Variants in METAP1D observed in about 807,000 individuals in gnomAD.
METAP1D encodes the protein methionine aminopeptidase 1D, mitochondrial.
METAP1D carries 31 observed loss-of-function variants against 40.5 expected under a neutral mutation model. The ratio of observed to expected loss-of-function variants is 0.77; its 90% CI spans 0.58 to 1.03. The LOEUF (loss-of-function observed/expected upper bound fraction) is 1.03, where lower values mean the gene tolerates loss of function less well. Among genes scored for constraint, METAP1D ranks in the 50% least tolerant of loss-of-function variants. The pLI, the probability that METAP1D is intolerant of heterozygous loss-of-function variation, is 0.00. For missense variants in METAP1D, 411 were observed against 420.7 expected (o/e 0.98, Z 0.20); for synonymous variants, 151 against 146.4 (o/e 1.03, Z -0.22).
At chr2:172,029,609 A>G (rs1689195360) in intron 1 of METAP1D, among the ~76,000 whole-genome samples, 1 of 152,228 alleles carries the variant, frequency 6.6e-6, no homozygotes, top group Non-Finnish European at 1.5e-5. Flanking sequence ...TAGAGTTACC[A>G]TAACATGAGC....
intron 1 of METAP1D, among the ~76,000 whole-genome samples, chr2:172,005,405 T>C (rs1022306156): frequency 7.9e-5 from 12 of 151,644 alleles, no homozygotes; most frequent in Middle Eastern, 6.8e-3. Context: ...TATTTGGTTT[T>C]CTTTTCCTGA....
chr2:172,039,357 C>T (rs1689462703), intron 1 of METAP1D, among the ~76,000 whole-genome samples: 1 of 152,158 alleles, frequency 6.6e-6, no homozygotes, highest in African/African-American at 2.4e-5. Flanking sequence ...AGGAGTTTGA[C>T]TTGTATAGGG....
At chr2:172,013,728 G>A (rs1688783649) in intron 1 of METAP1D, among the ~76,000 whole-genome samples, 2 of 152,030 alleles carry the variant, frequency 1.3e-5, no homozygotes, top group Admixed American at 6.6e-5. Flanking sequence ...TTGGCAGAAC[G>A]TGACCATGCA....
chr2:172,024,752 G>GTGTGTGTGTGTGTA (rs1200035345), intron 1 of METAP1D, among the ~76,000 whole-genome samples: 31 of 81,656 alleles, frequency 3.8e-4, no homozygotes, highest in African/African-American at 9.3e-4. Context: ...TATAGATTGT[G>GTGTGTGTGTGTGTA]TGTGTGTGTG....
At chr2:172,060,889 T>G (rs1182497247) in intron 1 of METAP1D, among the ~76,000 whole-genome samples, 2 of 152,240 alleles carry the variant, frequency 1.3e-5, no homozygotes, top group Non-Finnish European at 2.9e-5. Context: ...CATTTAAAAT[T>G]TTGATAGACA....
At chr2:172,050,490 C>T (rs892914515) in intron 1 of METAP1D, among the ~76,000 whole-genome samples, 1 of 151,730 alleles carries the variant, frequency 6.6e-6, no homozygotes, top group Non-Finnish European at 1.5e-5. Context: ...AAATTCAGTT[C>T]CATGTGTGAT....
chr2:172,064,841 A>G (rs964688932), intron 3 of METAP1D, among the ~76,000 whole-genome samples: 15 of 152,280 alleles, frequency 9.9e-5, no homozygotes, highest in Non-Finnish European at 1.8e-4. Context: ...CAAAATGAAG[A>G]AAATTATTGA....
chr2:172,051,156 G>A (rs1689876847), intron 1 of METAP1D, among the ~76,000 whole-genome samples: 1 of 152,128 alleles, frequency 6.6e-6, no homozygotes, highest in Admixed American at 6.5e-5. Flanking sequence ...ACATTTCTAT[G>A]TAACTTCTAC....
chr2:172,022,035 G>C (rs1189001527), intron 1 of METAP1D, among the ~76,000 whole-genome samples: 1 of 152,004 alleles, frequency 6.6e-6, no homozygotes, highest in Non-Finnish European at 1.5e-5. Flanking sequence ...TCATTTTTTA[G>C]TTTTGAGTTA....
rs200459564 is a variant in METAP1D, at chr2:172,080,282, G to A, written c.930-46G>A. On this transcript the variant is annotated intron_variant, in intron 9 of 9. Transcript: ENST00000315796. ...GGTCCGACGGCGCGCTTGTGGCCCG[G>A]CCGGAGCTTGCGTGCGCGTTCTGAC... 229 of 1,614,062 alleles carry A rather than the reference G, an allele frequency of 1.4e-4. No homozygotes were observed. In the African/African-American group the frequency reaches 2.8e-3, roughly 20 times the overall value.
chr2:172,040,359 T>C (rs1349338153), intron 1 of METAP1D, among the ~76,000 whole-genome samples: 2 of 152,218 alleles, frequency 1.3e-5, no homozygotes. Context: ...CTTTTACCTA[T>C]ATTTAAAAAT....
intron 2 of METAP1D, 100 bp downstream of exon 2, chr2:172,061,755 G>A (rs985953458): frequency 2.4e-5 from 27 of 1,136,178 alleles, no homozygotes; most frequent in Non-Finnish European, 3.1e-5. Context: ...TGAGCCATTT[G>A]GGTTTTAATT....
chr2:172,010,443 G>A (rs1010279331), intron 1 of METAP1D, among the ~76,000 whole-genome samples: 3 of 71,230 alleles, frequency 4.2e-5, no homozygotes, highest in African/African-American at 1.9e-4. Flanking sequence ...ACTGCACCCA[G>A]CCCTTTTTTT....
intron 1 of METAP1D, among the ~76,000 whole-genome samples, chr2:172,030,983 T>TA (rs1300365923): frequency 6.6e-6 from 1 of 152,230 alleles, no homozygotes; most frequent in African/African-American, 2.4e-5. Context: ...TTTTCTCAAG[T>TA]ACTCATCATT....
intron 1 of METAP1D, among the ~76,000 whole-genome samples, chr2:172,007,152 C>T (rs1688605469): frequency 7.1e-6 from 1 of 140,798 alleles, no homozygotes. Context: ...CCTGCTGCTT[C>T]CCATGTCATG....
intron 5 of METAP1D, among the ~76,000 whole-genome samples, chr2:172,069,707 T>G (rs1245035154): frequency 2.0e-5 from 3 of 152,178 alleles, no homozygotes; most frequent in African/African-American, 7.2e-5. Context: ...ATTAAGATAA[T>G]TTGATATAGT....
At chr2:172,066,518 C>G (rs986240344) in intron 5 of METAP1D, among the ~76,000 whole-genome samples, 3 of 152,176 alleles carry the variant, frequency 2.0e-5, no homozygotes, top group African/African-American at 7.2e-5. Context: ...CAATCAGATG[C>G]ACTGAGATCA....
intron 6 of METAP1D, among the ~76,000 whole-genome samples, chr2:172,076,746 T>C (rs1407075797): frequency 6.6e-6 from 1 of 152,274 alleles, no homozygotes; most frequent in Non-Finnish European, 1.5e-5. Context: ...CATGTTAAAC[T>C]AAACTTAGAG....
chr2:172,023,577 G>A (rs1319270482), intron 1 of METAP1D, among the ~76,000 whole-genome samples: 1 of 152,132 alleles, frequency 6.6e-6, no homozygotes, highest in African/African-American at 2.4e-5. Context: ...GCATTCGTCA[G>A]GACTCATCGA....
Sources: gnomAD v4.1 joint callset for allele counts (sites outside exome capture counted in the v4.1 genomes callset) on GRCh38, gnomAD v4.1.1 for gene constraint, MANE v1.5 for transcripts, NCBI Gene and HGNC (gene_info 2026-07-23, HGNC 2026-07-21) for gene names.